The following NFIB variants were observed in gnomAD, a reference collection of about 807,000 sequenced individuals.
The protein encoded by NFIB is nuclear factor I B, also known as nuclear factor 1 B-type.
Under a neutral mutation model 61.5 loss-of-function variants are expected in NFIB, and 11 were observed. The observed-to-expected ratio is 0.18, with a 90% CI of 0.11 to 0.30. NFIB has a LOEUF of 0.30. Ranked by LOEUF, NFIB falls within the 10% of genes least tolerant of loss-of-function variation. The pLI, the probability that NFIB is intolerant of heterozygous loss-of-function variation, is 1.00. For missense variants in NFIB, 471 were observed against 608.9 expected, an observed-to-expected ratio of 0.77 and a Z score of 2.38; for synonymous variants, 260 against 216.5, an observed-to-expected ratio of 1.20 and a Z score of -1.76.
chr9:14,508,884 G>C, the NFIB span, among the ~76,000 whole-genome samples: 1 of 152,140 alleles, frequency 6.6e-6, no homozygotes. Context: ...TTCTACTCTT[G>C]TTCACAAATT....
At chr9:14,502,090 G>C in the NFIB span, among the ~76,000 whole-genome samples, 1 of 152,296 alleles carries the variant, frequency 6.6e-6, no homozygotes, top group East Asian at 1.9e-4. Flanking sequence ...GGGCCACATA[G>C]ACTTCAGAAT....
chr9:14,238,541 G>A (rs907864813), intron 2 of NFIB, among the ~76,000 whole-genome samples: 4 of 152,178 alleles, frequency 2.6e-5, no homozygotes, highest in African/African-American at 9.6e-5. Context: ...CACATTGGTT[G>A]TTTCAGTCAA....
intron 2 of NFIB, among the ~76,000 whole-genome samples, chr9:14,268,054 G>C (rs1343348893): frequency 6.6e-6 from 1 of 150,886 alleles, no homozygotes; most frequent in Non-Finnish European, 1.5e-5. Context: ...AGACTCACTT[G>C]AACCTGGGAG....
In NFIB at chr9:14,085,725, C is replaced by T. The variant is rs1473501680; in HGVS notation, c.*2584G>A. ...AAAAAAATCCAAGTGCACTGCCATC[C>T]ATTTGAAGTAGTAAGTCACAGGTAA... is the stretch of plus-strand genomic sequence containing the variant. On this transcript the variant is annotated 3_prime_UTR_variant, in exon 11 of 11. Transcript: ENST00000380953. 2 of 219,604 alleles carry T rather than the reference C, an allele frequency of 9.1e-6. No homozygotes were observed. Among genetic ancestry groups the T allele is most frequent in the East Asian group, 1.3e-4 (2 of 14,898 alleles). The allele number at this position is 219,604 out of a possible 1,614,324, so 13.6% of individuals were successfully genotyped here.
At chr9:14,441,582 T>C in the NFIB span, among the ~76,000 whole-genome samples, 1 of 130,706 alleles carries the variant, frequency 7.7e-6, no homozygotes, top group African/African-American at 2.8e-5. Context: ...GAATTCTTTC[T>C]TTTTCTTCTT....
chr9:14,203,465 T>C (rs1196227916), intron 2 of NFIB, among the ~76,000 whole-genome samples: 1 of 152,210 alleles, frequency 6.6e-6, no homozygotes, highest in African/African-American at 2.4e-5. Flanking sequence ...TTCTGCCCCC[T>C]GTGCTTTGTA....
At chr9:14,248,303 ACTCCC>A (rs1031635552) in intron 2 of NFIB, among the ~76,000 whole-genome samples, 8 of 78,012 alleles carry the variant, frequency 1.0e-4, no homozygotes, top group Non-Finnish European at 1.6e-4. Flanking sequence ...CCTCTCCTCC[ACTCCC>A]CTCCCCTCCC....
At chr9:14,340,714 A>G (rs1181833328) in intron 1 of NFIB, among the ~76,000 whole-genome samples, 6 of 152,174 alleles carry the variant, frequency 3.9e-5, no homozygotes, top group Admixed American at 3.9e-4. Context: ...GCTCAGAATG[A>G]TGTGGTTTGG....
chr9:14,118,762 CTTTT>C (rs941759967), intron 8 of NFIB, among the ~76,000 whole-genome samples: 11 of 137,448 alleles, frequency 8.0e-5, no homozygotes, highest in African/African-American at 3.0e-4. Flanking sequence ...GCTAGTTTTT[CTTTT>C]TCTTTTTTTT....
chr9:14,371,705 T>C (rs541727125), intron 1 of NFIB, among the ~76,000 whole-genome samples: 21 of 152,216 alleles, frequency 1.4e-4, no homozygotes, highest in South Asian at 8.3e-4. Context: ...GCCACAGGAG[T>C]GGCCATTCCT....
chr9:14,202,366 C>T (rs143105460), intron 2 of NFIB, among the ~76,000 whole-genome samples: 2,350 of 152,196 alleles, frequency 0.015, 42 homozygotes, highest in South Asian at 0.036. Context: ...TAAAATTCTC[C>T]GACTTCCATT....
chr9:14,481,197 G>GTGTGTATATATATATATATATATA, the NFIB span, among the ~76,000 whole-genome samples: 4 of 45,840 alleles, frequency 8.7e-5, no homozygotes, highest in South Asian at 9.9e-4. Context: ...GTGTGTGTGT[G>GTGTGTATATATATATATATATATA]TATATATATA....
chr9:14,400,966 T>C (rs2061737332), upstream of NFIB, among the ~76,000 whole-genome samples: 1 of 152,184 alleles, frequency 6.6e-6, no homozygotes, highest in Non-Finnish European at 1.5e-5. Context: ...GTAGCCTCAG[T>C]TTTTCACCCT....
At chr9:14,432,625 C>T in the NFIB span, among the ~76,000 whole-genome samples, 11 of 152,172 alleles carry the variant, frequency 7.2e-5, no homozygotes, top group Non-Finnish European at 1.3e-4. Context: ...GAAGGACTTG[C>T]AGACTTGAGG....
chr9:14,438,036 A>G, the NFIB span, among the ~76,000 whole-genome samples: 1 of 141,960 alleles, frequency 7.0e-6, no homozygotes. Context: ...GTGTGCGCGT[A>G]TGTGCGTGCG....
At chr9:14,235,621 A>T (rs1253116188) in intron 2 of NFIB, among the ~76,000 whole-genome samples, 4 of 152,004 alleles carry the variant, frequency 2.6e-5, no homozygotes, top group East Asian at 1.9e-4. Flanking sequence ...TCTTATTTTT[A>T]AAAAAAGCAC....
chr9:14,107,441 A>G (rs1023452411), intron 10 of NFIB, among the ~76,000 whole-genome samples: 1 of 152,152 alleles, frequency 6.6e-6, no homozygotes, highest in Non-Finnish European at 1.5e-5. Flanking sequence ...AAGTAGAATT[A>G]ACTTAAATGA....
intron 2 of NFIB, among the ~76,000 whole-genome samples, chr9:14,187,858 G>A (rs1455355024): frequency 6.6e-6 from 1 of 152,086 alleles, no homozygotes; most frequent in Non-Finnish European, 1.5e-5. Flanking sequence ...TGAATCCCCT[G>A]CAAATATGAA....
At chr9:14,109,230 A>G (rs1804035793) in intron 10 of NFIB, among the ~76,000 whole-genome samples, 1 of 152,070 alleles carries the variant, frequency 6.6e-6, no homozygotes, top group African/African-American at 2.4e-5. Context: ...ATATTTCCTA[A>G]GCAACATCCA....
Sources: allele counts gnomAD v4.1 joint callset (sites outside exome capture counted in the v4.1 genomes callset), GRCh38; gene constraint gnomAD v4.1.1; transcripts MANE v1.5; gene names NCBI Gene and HGNC (gene_info 2026-07-23, HGNC 2026-07-21).